The following CCDC7 variants were observed in gnomAD, a reference collection of about 807,000 sequenced individuals.
CCDC7 encodes coiled-coil domain containing 7, also known as coiled-coil domain-containing protein 7.
CCDC7 carries 183 observed loss-of-function variants against 196.9 expected under a neutral mutation model. The observed-to-expected ratio is 0.93, with a 90% CI of 0.82 to 1.05. The LOEUF (loss-of-function observed/expected upper bound fraction) is 1.05, where lower values mean the gene tolerates loss of function less well. Ranked by LOEUF, CCDC7 falls within the 50% of genes least tolerant of loss-of-function variation. The pLI is 0.00. For missense variants in CCDC7, 1,540 were observed against 1,482.2 expected, an observed-to-expected ratio of 1.04 and a Z score of -0.64; for synonymous variants, 525 against 484.6, an observed-to-expected ratio of 1.08 and a Z score of -1.10.
chr10:32,670,267 G>A (rs994889601), intron 21 of CCDC7, among the ~76,000 whole-genome samples: 2 of 151,980 alleles, frequency 1.3e-5, no homozygotes, highest in Non-Finnish European at 2.9e-5. Flanking sequence ...AAACATTACC[G>A]AACTCCCCAG....
intron 24 of CCDC7, among the ~76,000 whole-genome samples, chr10:32,698,539 G>A (rs1002118743): frequency 6.6e-6 from 1 of 152,138 alleles, no homozygotes; most frequent in Non-Finnish European, 1.5e-5. Context: ...ACCATGGCAC[G>A]AGAACTATGT....
At chr10:32,450,080 G>A (rs953936192), upstream of CCDC7, among the ~76,000 whole-genome samples, 2 of 152,236 alleles carry the variant, frequency 1.3e-5, no homozygotes, top group Non-Finnish European at 2.9e-5. Flanking sequence ...GTACCACAAA[G>A]TGGGTGGCTT....
intron 29 of CCDC7, among the ~76,000 whole-genome samples, chr10:32,787,424 G>A (rs2082047910): frequency 6.6e-6 from 1 of 152,194 alleles, no homozygotes; most frequent in Non-Finnish European, 1.5e-5. Context: ...CCAGATGAGA[G>A]ATTACAGCAC....
At chr10:32,723,367 G>A (rs2082677757) in intron 25 of CCDC7, among the ~76,000 whole-genome samples, 1 of 152,094 alleles carries the variant, frequency 6.6e-6, no homozygotes, top group Non-Finnish European at 1.5e-5. Context: ...GATCAGCATG[G>A]CCTTATGAGG....
Position 32,704,271 on chromosome 10 carries a change from C to G in CCDC7, c.2459-7349C>G, listed in dbSNP as rs997508519. ...AGGTCTGTTGGAGTTTGCCGGAGGTCCACTCCAGGCCCTGTTTGCCTGGGT... is the reference window on the plus strand; with the variant it reads ...AGGTCTGTTGGAGTTTGCCGGAGGTGCACTCCAGGCCCTGTTTGCCTGGGT... On this transcript the variant is annotated intron_variant, in intron 24 of 41. Coordinates refer to ENST00000639629, the Ensembl canonical transcript of CCDC7. Among the ~76,000 whole-genome samples, 21 of 152,232 alleles carry G rather than the reference C, an allele frequency of 1.4e-4. No individual in the cohort carries two copies. The South Asian group carries it at 2.3e-3, about 17-fold the overall frequency.
chr10:32,518,265 CAA>C, intron 10 of CCDC7, 149 bp from the exon 12 acceptor site: 1 of 719,666 alleles, frequency 1.4e-6, no homozygotes, highest in Non-Finnish European at 1.9e-6. Flanking sequence ...CTTTCAGCTC[CAA>C]TTATTGTGTC....
At chr10:32,467,431 GTT>G (rs2037065928) in intron 5 of CCDC7, among the ~76,000 whole-genome samples, 1 of 151,628 alleles carries the variant, frequency 6.6e-6, no homozygotes, top group Non-Finnish European at 1.5e-5. Context: ...GTTTAATGGT[GTT>G]GTTTGTTTGT....
At chr10:32,579,091 C>G (rs12359723) in intron 16 of CCDC7, among the ~76,000 whole-genome samples, 52,321 of 151,996 alleles carry the variant, frequency 0.34, 11,453 homozygotes, top group Non-Finnish European at 0.5. Flanking sequence ...CATATCTTGC[C>G]AAATCCTCAG....
intron 31 of CCDC7, among the ~76,000 whole-genome samples, chr10:32,820,982 G>A (rs7475160): frequency 0.99 from 150,908 of 152,230 alleles, 74,816 homozygotes; most frequent in Middle Eastern, 1. Flanking sequence ...TAATTAAACT[G>A]AAGAGCTTCT....
exon 29 of CCDC7, chr10:32,779,082 T>G (rs1462218812): frequency 1.3e-6 from 2 of 1,536,622 alleles, no homozygotes; most frequent in Non-Finnish European, 1.8e-6. Context: ...AACAAAGTGG[T>G]CGGTAAGTAT....
intron 28 of CCDC7, among the ~76,000 whole-genome samples, chr10:32,739,020 A>G (rs2085364446): frequency 1.3e-5 from 2 of 152,016 alleles, no homozygotes; most frequent in African/African-American, 4.8e-5. Flanking sequence ...TGAATATTTT[A>G]AATATTTTAA....
intron 13 of CCDC7, among the ~76,000 whole-genome samples, chr10:32,547,404 C>T (rs1043134780): frequency 1.3e-5 from 2 of 152,130 alleles, no homozygotes; most frequent in Non-Finnish European, 2.9e-5. Flanking sequence ...GACATCCTCT[C>T]ACTCTTGCTA....
intron 14 of CCDC7, 114 bp downstream of exon 15, chr10:32,565,734 A>G (rs1223022759): frequency 1.7e-6 from 2 of 1,143,790 alleles, no homozygotes; most frequent in Admixed American, 2.7e-5. Flanking sequence ...ATATTCTACT[A>G]TTTGGCTAGG....
chr10:32,695,198 C>T (rs565046155), intron 24 of CCDC7, among the ~76,000 whole-genome samples: 4 of 152,238 alleles, frequency 2.6e-5, no homozygotes, highest in African/African-American at 9.6e-5. Flanking sequence ...ATGGCATGCT[C>T]ATGTGCTCGG....
At chr10:32,845,485 C>T (rs1030719495) in intron 34 of CCDC7, 58 bp from the exon 36 acceptor site, 75 of 1,418,146 alleles carry the variant, frequency 5.3e-5, no homozygotes, top group Middle Eastern at 1.8e-4. Context: ...CAAAAACACA[C>T]ACAAGTATGG....
At chr10:32,467,142 G>T (rs1404329853) in intron 5 of CCDC7, among the ~76,000 whole-genome samples, 1 of 149,042 alleles carries the variant, frequency 6.7e-6, no homozygotes, top group African/African-American at 2.5e-5. Context: ...TTGCTCCCTC[G>T]CCAGGCTGGA....
intron 28 of CCDC7, among the ~76,000 whole-genome samples, chr10:32,777,777 T>G (rs2080334916): frequency 6.6e-6 from 1 of 151,876 alleles, no homozygotes; most frequent in South Asian, 2.1e-4. Flanking sequence ...AACAGGAGAA[T>G]CGCTTGAACC....
chr10:32,508,165 G>A (rs965285717), intron 9 of CCDC7, among the ~76,000 whole-genome samples: 8 of 152,106 alleles, frequency 5.3e-5, no homozygotes, highest in Admixed American at 5.2e-4. Context: ...ATATAGAATG[G>A]TGCCACTCCC....
At chr10:32,829,067 A>T (rs895646436) in intron 32 of CCDC7, among the ~76,000 whole-genome samples, 1 of 152,194 alleles carries the variant, frequency 6.6e-6, no homozygotes, top group Non-Finnish European at 1.5e-5. Flanking sequence ...GACCCGGACT[A>T]TCAAGATGAA....
Sources: gnomAD v4.1 joint callset for allele counts (sites outside exome capture counted in the v4.1 genomes callset) on GRCh38, gnomAD v4.1.1 for gene constraint, MANE v1.5 for transcripts, NCBI Gene and HGNC (gene_info 2026-07-23, HGNC 2026-07-21) for gene names.